HS3ST3A1: variants seen among roughly 807,000 people sequenced by gnomAD.
HS3ST3A1 encodes the protein heparan sulfate glucosamine 3-O-sulfotransferase 3A1.
Under a neutral mutation model 25.7 loss-of-function variants are expected in HS3ST3A1, and 19 were observed. That is an observed-to-expected ratio of 0.74 (90% CI 0.52 to 1.08). The LOEUF (loss-of-function observed/expected upper bound fraction) is 1.08. Ranked by LOEUF, HS3ST3A1 falls within the 50% of genes least tolerant of loss-of-function variation. The pLI is 0.00. For synonymous variants in HS3ST3A1, 226 were observed against 278.6 expected, an observed-to-expected ratio of 0.81 and a Z score of 1.88; for missense variants, 459 against 594.3, an observed-to-expected ratio of 0.77 and a Z score of 2.37.
At chr17:13,510,377 A>C (rs1905820626) in intron 1 of HS3ST3A1, among the ~76,000 whole-genome samples, 1 of 152,352 alleles carries the variant, frequency 6.6e-6, no homozygotes, top group Admixed American at 6.5e-5. Context: ...CTTGCTTGCA[A>C]ATCAACAATC....
At position 13,601,046 on chromosome 17, in the gene HS3ST3A1, C is replaced by G. The variant is rs949018792; in HGVS notation, c.84G>C (p.Met28Ile). The G allele has an allele frequency of 3.1e-6, 5 of 1,599,062 alleles. No homozygotes were observed. The African/African-American group carries it at 6.7e-5, about 22-fold the overall frequency. The part of the protein sequence containing the change: ...SRSIFRKFLL[M>I]LCSLLTSLYV... ...AAAGGGACGTGAGCAGGGAGCAGAG[C>G]ATCAGCAAGAACTTCCGGAAGATGC... The change falls in exon 1 of 2, where the codon ATG (methionine) becomes ATC (isoleucine). Residue 28 changes from methionine to isoleucine, a missense_variant. Coordinates refer to ENST00000284110, the MANE Select transcript of HS3ST3A1 (RefSeq NM_006042.3).
chr17:13,600,672 G>A lies in HS3ST3A1; in HGVS notation c.458C>T (p.Pro153Leu). The A allele has an allele frequency of 6.3e-7, 1 of 1,588,012 alleles. No individual in the cohort carries two copies. Among genetic ancestry groups the A allele is most frequent in the Non-Finnish European group, 8.5e-7 (1 of 1,173,468 alleles). ...CTTCACTCCGATGATGATGGCCTGC[G>A]GCAGCTGCTTGCTGCCTTCGTCCAG... ...LLLDEGSKQL[P>L]QAIIIGVKKG... The change falls in exon 1 of 2, where the codon CCG (proline) becomes CTG (leucine). Residue 153 changes from proline (P) to leucine (L), a missense_variant. Transcript: ENST00000284110.
At chr17:13,555,671 AAT>A (rs1166143017) in intron 1 of HS3ST3A1, among the ~76,000 whole-genome samples, 1 of 152,198 alleles carries the variant, frequency 6.6e-6, no homozygotes, top group African/African-American at 2.4e-5. Context: ...TACATGCACA[AAT>A]ATGTCATTTT....
chr17:13,600,547 C>T lies in HS3ST3A1; in HGVS notation c.583G>A (p.Gly195Ser), dbSNP rs1254886781. 3 of 1,599,698 alleles carry T rather than the reference C, an allele frequency of 1.9e-6. No individual in the cohort carries two copies. Among genetic ancestry groups the T allele is most frequent in the East Asian group, 2.2e-5 (1 of 44,522 alleles). Residue 195 changes from glycine (G) to serine (S), a missense_variant, in exon 1 of 2, where the codon GGC becomes AGC. Physicochemically the swap from Gly to Ser is moderately conservative, Grantham distance 56. Coordinates refer to ENST00000284110, the MANE Select transcript of HS3ST3A1 (RefSeq NM_006042.3). Reference protein sequence around the residue: ...PHFFDRSYDKGLAWYRDLMPR... With the variant: ...PHFFDRSYDKSLAWYRDLMPR... ...CCCGCTCACCGGTACCAGGCGAGGC[C>T]CTTGTCGTAGCTGCGGTCGAAGAAG...
At chr17:13,510,726 A>G (rs535462319) in intron 1 of HS3ST3A1, among the ~76,000 whole-genome samples, 97 of 148,998 alleles carry the variant, frequency 6.5e-4, no homozygotes, top group African/African-American at 2.3e-3. Context: ...TTTTTTTTAT[A>G]CGAAGTCTTG....
At chr17:13,507,146 AAAT>A (rs554077127) in intron 1 of HS3ST3A1, among the ~76,000 whole-genome samples, 265 of 152,268 alleles carry the variant, frequency 1.7e-3, no homozygotes, top group Non-Finnish European at 2.7e-3. Context: ...ACTACATTAA[AAAT>A]AATAGATCCA....
chr17:13,496,874 G>A (rs1403150925), intron 1 of HS3ST3A1, 56 bp from the exon 2 acceptor site: 2 of 1,573,932 alleles, frequency 1.3e-6, no homozygotes, highest in Middle Eastern at 1.7e-4. Context: ...AGTCCCAGGA[G>A]AGACTGTCAA....
At chr17:13,549,617 C>T (rs900145712) in intron 1 of HS3ST3A1, among the ~76,000 whole-genome samples, 1 of 152,146 alleles carries the variant, frequency 6.6e-6, no homozygotes, top group Non-Finnish European at 1.5e-5. Flanking sequence ...TCCACTCATC[C>T]TCTTCTGATG....
intron 1 of HS3ST3A1, among the ~76,000 whole-genome samples, chr17:13,571,862 C>T (rs765728868): frequency 1.3e-5 from 2 of 152,136 alleles, no homozygotes; most frequent in African/African-American, 2.4e-5. Flanking sequence ...CAGGTTCAAG[C>T]GTTTCTCCTG....
At chr17:13,527,121 A>T (rs1906456138) in intron 1 of HS3ST3A1, among the ~76,000 whole-genome samples, 1 of 152,108 alleles carries the variant, frequency 6.6e-6, no homozygotes, top group Non-Finnish European at 1.5e-5. Context: ...AGGCTGCTAT[A>T]CGTGGGAAAC....
chr17:13,594,252 T>A (rs1283561575), intron 1 of HS3ST3A1, among the ~76,000 whole-genome samples: 1 of 152,218 alleles, frequency 6.6e-6, no homozygotes, highest in Non-Finnish European at 1.5e-5. Context: ...TGTCAGTTTC[T>A]CCACTCAATC....
chr17:13,536,353 G>C (rs1035198571), intron 1 of HS3ST3A1, among the ~76,000 whole-genome samples: 2 of 152,090 alleles, frequency 1.3e-5, no homozygotes, highest in South Asian at 4.1e-4. Context: ...TTTATGGAAT[G>C]GACTTGATTT....
rs1021933172 is a variant in HS3ST3A1, at chr17:13,496,827, C to G, written c.600-9G>C. The G allele has an allele frequency of 1.2e-6, 2 of 1,607,662 alleles. No homozygotes were observed. Among genetic ancestry groups the G allele is most frequent in the Admixed American group, 1.7e-5 (1 of 59,310 alleles). On this transcript the variant is annotated splice_polypyrimidine_tract_variant and intron_variant, in intron 1 of 1. Transcript: ENST00000284110. The stretch of plus-strand genomic sequence containing the variant: ...TTCTGGGCATCAGGTCCCTGAGAAA[C>G]GCAAAAAGGCATGTCAGAGATGTGC...
At chr17:13,510,506 G>A (rs1246799178) in intron 1 of HS3ST3A1, among the ~76,000 whole-genome samples, 2 of 152,116 alleles carry the variant, frequency 1.3e-5, no homozygotes, top group South Asian at 2.1e-4. Context: ...TTGTTCATTC[G>A]CTATTTTTCT....
At chr17:13,587,493 C>A (rs566796696) in intron 1 of HS3ST3A1, among the ~76,000 whole-genome samples, 90 of 152,176 alleles carry the variant, frequency 5.9e-4, no homozygotes, top group African/African-American at 2.1e-3. Context: ...TCTTTCCCAA[C>A]CTTTGTTCCT....
chr17:13,496,226 T>C lies in HS3ST3A1; in HGVS notation c.1192A>G (p.Thr398Ala), dbSNP rs923717856. Residue 398 changes from threonine to alanine, a missense_variant, in exon 2 of 2, where the codon ACC (threonine) becomes GCC (alanine). Around this residue, in one of 3 missense-constraint regions of HS3ST3A1, gnomAD observed 46 missense variants for 59.0 expected, o/e 0.78. Coordinates refer to ENST00000284110, the MANE Select transcript of HS3ST3A1 (RefSeq NM_006042.3). ...CCATCCCAGCCAAAGTCGTGCCCGG[T>C]CATCTGGTAGAACTTGAGGTTGAAA... is the stretch of plus-strand genomic sequence containing the variant. The part of the protein sequence containing the change: ...RPFNLKFYQM[T>A]GHDFGWDG 1.2e-6 allele frequency: 2 copies of C among 1,600,884 alleles called. No homozygotes were observed. The highest frequency in any genetic ancestry group is 8.5e-7 in the Non-Finnish European group (1 of 1,174,260).
At chr17:13,535,289 G>A (rs1906737748) in intron 1 of HS3ST3A1, among the ~76,000 whole-genome samples, 1 of 152,108 alleles carries the variant, frequency 6.6e-6, no homozygotes, top group African/African-American at 2.4e-5. Context: ...TATTTTCCCT[G>A]CAAGGCACAT....
chr17:13,560,350 T>G (rs1440767902), intron 1 of HS3ST3A1, among the ~76,000 whole-genome samples: 1 of 120,128 alleles, frequency 8.3e-6, no homozygotes, highest in Non-Finnish European at 1.7e-5. Flanking sequence ...TCAACTGGAG[T>G]CACCATTTCT....
chr17:13,580,475 C>T (rs1411505483), intron 1 of HS3ST3A1, among the ~76,000 whole-genome samples: 1 of 152,054 alleles, frequency 6.6e-6, no homozygotes, highest in East Asian at 1.9e-4. Flanking sequence ...CCTGTTTATA[C>T]ATTTATACAC....
Sources: allele counts gnomAD v4.1 joint callset (sites outside exome capture counted in the v4.1 genomes callset), GRCh38; gene constraint gnomAD v4.1.1; regional missense constraint gnomAD v4.1.1; transcripts MANE v1.5; gene names NCBI Gene and HGNC (gene_info 2026-07-23, HGNC 2026-07-21).